Variants in FANCL observed in about 807,000 individuals in gnomAD.
The protein encoded by FANCL is E3 ubiquitin-protein ligase FANCL.
Under a neutral mutation model 59.4 loss-of-function variants are expected in FANCL, and 69 were observed. The ratio of observed to expected loss-of-function variants is 1.16; its 90% CI spans 0.96 to 1.42. The LOEUF is 1.42. Among genes scored for constraint, FANCL ranks in the 40% most tolerant of loss-of-function variants. The pLI is 0.00. For synonymous variants in FANCL, 180 were observed against 147.1 expected (o/e 1.22, Z -1.62); for missense variants, 519 against 447.2 (o/e 1.16, Z -1.45).
chr2:58,162,834 G>T, intron 11 of FANCL, 32 bp downstream of exon 11: 1 of 1,563,442 alleles, frequency 6.4e-7, no homozygotes, highest in East Asian at 2.2e-5. Flanking sequence ...ATGCAATACT[G>T]TCTGGAATAT....
chr2:58,163,713 A>C (rs563536951), intron 8 of FANCL, among the ~76,000 whole-genome samples, 196 bp from the exon 9 acceptor site: 72 of 152,162 alleles, frequency 4.7e-4, no homozygotes, highest in Middle Eastern at 3.4e-3. Flanking sequence ...TATCATTGAA[A>C]GGATCTTAAA....
intron 6 of FANCL, 107 bp downstream of exon 6, chr2:58,204,023 A>G (rs1558790389): frequency 1.2e-5 from 10 of 853,076 alleles, no homozygotes; most frequent in Non-Finnish European, 1.6e-5. Context: ...AAAGCATGAT[A>G]TATGTATTTT....
At chr2:58,187,977 G>T (rs1688572519) in intron 7 of FANCL, among the ~76,000 whole-genome samples, 1 of 152,094 alleles carries the variant, frequency 6.6e-6, no homozygotes, top group African/African-American at 2.4e-5. Context: ...TGCATTTGGT[G>T]TTATACTAAG....
At chr2:58,196,300 T>C (rs1689419477) in intron 7 of FANCL, among the ~76,000 whole-genome samples, 1 of 152,160 alleles carries the variant, frequency 6.6e-6, no homozygotes, top group African/African-American at 2.4e-5. Flanking sequence ...TAAAACATTT[T>C]ATTTTTAAGA....
chr2:58,221,888 A>G, intron 5 of FANCL, 54 bp downstream of exon 5: 1 of 1,258,166 alleles, frequency 7.9e-7, no homozygotes, highest in Non-Finnish European at 1.2e-6. Context: ...GAAATACATT[A>G]AGTTAAAATA....
rs1333230390 is a variant in FANCL, at chr2:58,225,894, A to G, written c.273+834T>C. On this transcript the variant is annotated intron_variant, in intron 4 of 13. Transcript: ENST00000233741. ...CCTTATAAGTCTTATATAAGGCTTA[A>G]GAGACTTATCAACTAAATATAATGT... Among the ~76,000 whole-genome samples the G allele has an allele frequency of 3.9e-5, 6 of 152,196 alleles. No individual in the cohort carries two copies. The East Asian group carries it at 7.7e-4, about 20-fold the overall frequency.
chr2:58,196,900 A>T (rs1328920828), intron 7 of FANCL, among the ~76,000 whole-genome samples: 3 of 151,942 alleles, frequency 2.0e-5, no homozygotes, highest in Non-Finnish European at 2.9e-5. Flanking sequence ...CTCACTTAAA[A>T]CATCAAGATT....
At chr2:58,215,687 G>A (rs1436733103) in intron 5 of FANCL, among the ~76,000 whole-genome samples, 2 of 146,476 alleles carry the variant, frequency 1.4e-5, no homozygotes, top group Non-Finnish European at 3.0e-5. Flanking sequence ...CCCAGATTGA[G>A]AGCTGCTATT....
Position 58,221,964 on chromosome 2 carries a change from T to C in FANCL, c.352A>G (p.Ile118Val), listed in dbSNP as rs751735308. 2.5e-6 allele frequency: 4 copies of C among 1,612,010 alleles called. No homozygotes were observed. Among genetic ancestry groups the C allele is most frequent in the African/African-American group, 1.3e-5 (1 of 74,860 alleles). The change falls in exon 5 of 14, where the codon ATA becomes GTA. Residue 118 changes from isoleucine (I) to valine (V), a missense_variant. Transcript: ENST00000233741. ...TACTTATCCCAACCAAGAGTTCCTA[T>C]CTCTTCAATAAGGCTTGAGTAGAAC... ...PQFYSSLIEE[I>V]GTLGWDKLVY... is the part of the protein sequence containing the mutation.
chr2:58,228,675 T>A (rs962670679), intron 3 of FANCL, among the ~76,000 whole-genome samples: 5 of 152,174 alleles, frequency 3.3e-5, no homozygotes, highest in African/African-American at 9.7e-5. Context: ...CTGGCCCATA[T>A]TTACTAAAAT....
chr2:58,188,875 C>T (rs1468707267), intron 7 of FANCL, among the ~76,000 whole-genome samples: 1 of 151,932 alleles, frequency 6.6e-6, no homozygotes, highest in Non-Finnish European at 1.5e-5. Context: ...AACCCATATG[C>T]CCATCAAAAG....
At chr2:58,171,126 G>T (rs1446208633) in intron 7 of FANCL, among the ~76,000 whole-genome samples, 2 of 152,078 alleles carry the variant, frequency 1.3e-5, no homozygotes. Flanking sequence ...AAAATTTGAA[G>T]TAAAACACTC....
chr2:58,195,673 T>A (rs756470370), intron 7 of FANCL, among the ~76,000 whole-genome samples: 5 of 151,732 alleles, frequency 3.3e-5, no homozygotes, highest in African/African-American at 1.2e-4. Context: ...AAAATTAGTA[T>A]CAAAATATAG....
At chr2:58,193,237 AATG>A (rs879500065) in intron 7 of FANCL, among the ~76,000 whole-genome samples, 16 of 152,046 alleles carry the variant, frequency 1.1e-4, no homozygotes, top group Non-Finnish European at 2.1e-4. Context: ...CAGTATTATC[AATG>A]ATATTTTTTA....
chr2:58,176,286 GTT>G (rs1558756734), intron 7 of FANCL, among the ~76,000 whole-genome samples: 1 of 152,058 alleles, frequency 6.6e-6, no homozygotes, highest in Admixed American at 6.6e-5. Flanking sequence ...CTACTTTAAA[GTT>G]CATATGGAAC....
intron 11 of FANCL, among the ~76,000 whole-genome samples, chr2:58,162,015 T>TA (rs1034757690): frequency 6.6e-6 from 1 of 151,872 alleles, no homozygotes; most frequent in African/African-American, 2.4e-5. Flanking sequence ...ACAGCTAGGC[T>TA]AAAAAAAGAG....
chr2:58,224,886 C>T (rs1478326383), intron 4 of FANCL, among the ~76,000 whole-genome samples: 2 of 151,784 alleles, frequency 1.3e-5, no homozygotes, highest in African/African-American at 2.4e-5. Context: ...TATATTCTTT[C>T]CAAAAAGTAT....
At chr2:58,220,081 CTT>C (rs1252676245) in intron 5 of FANCL, among the ~76,000 whole-genome samples, 1 of 151,712 alleles carries the variant, frequency 6.6e-6, no homozygotes, top group Non-Finnish European at 1.5e-5. Flanking sequence ...ATTACAGAGA[CTT>C]TAAGCAGTCC....
intron 5 of FANCL, among the ~76,000 whole-genome samples, chr2:58,210,148 G>A (rs1037179101): frequency 6.6e-5 from 10 of 152,150 alleles, no homozygotes; most frequent in African/African-American, 1.9e-4. Flanking sequence ...TACAATAAAT[G>A]TATCTTATAA....
Sources: gnomAD v4.1 joint callset for allele counts (sites outside exome capture counted in the v4.1 genomes callset) on GRCh38, gnomAD v4.1.1 for gene constraint, MANE v1.5 for transcripts, NCBI Gene and HGNC (gene_info 2026-07-23, HGNC 2026-07-21) for gene names.